NXPH1: variants seen among roughly 807,000 people sequenced by gnomAD.
NXPH1 encodes neurexophilin-1.
In NXPH1, 5 loss-of-function variants were observed where a neutral mutation model predicts 23.7. That is an observed-to-expected ratio of 0.21 (90% CI 0.11 to 0.44). The LOEUF is 0.44. Among genes scored for constraint, NXPH1 ranks in the 20% least tolerant of loss-of-function variants. The pLI is 0.99. For synonymous variants in NXPH1, 144 were observed against 122.2 expected (o/e 1.18, Z -1.18); for missense variants, 324 against 321.6 (o/e 1.01, Z -0.06).
In NXPH1 at chr7:8,722,250, G is replaced by C. The variant is rs145410513; in HGVS notation, c.55-28758G>C. ...ATTTATTTTTGCCTGGGATAGAATA[G>C]AAAATCTGACATTTTACTTTTACTT... On this transcript the variant is annotated intron_variant, in intron 2 of 2. Coordinates refer to ENST00000405863, the MANE Select transcript of NXPH1 (RefSeq NM_152745.3). 7.9e-4 allele frequency among the ~76,000 whole-genome samples: 121 copies of C among 152,240 alleles called. No individual in the cohort carries two copies. In the East Asian group the frequency reaches 0.021, roughly 27 times the overall value.
intron 2 of NXPH1, among the ~76,000 whole-genome samples, chr7:8,447,641 C>G (rs1196586398): frequency 6.6e-6 from 1 of 152,190 alleles, no homozygotes; most frequent in Non-Finnish European, 1.5e-5. Context: ...TGGATCTGCA[C>G]CTCTTGAATA....
chr7:8,710,639 CG>C (rs1779773888), intron 2 of NXPH1, among the ~76,000 whole-genome samples: 7 of 32,296 alleles, frequency 2.2e-4, no homozygotes, highest in Admixed American at 3.7e-4. Context: ...TCAACTGTTA[CG>C]TTTTTTGTTT....
rs148939405 is a variant in NXPH1 at position 8,593,169 on chromosome 7, G to C, written c.54+157402G>C. On this transcript the variant is annotated intron_variant, in intron 2 of 2. Transcript: ENST00000405863. ...GATTGCATGTTTCTCAGAGTAAGAA[G>C]CATTTTTTTTTTTTTTTCTATTTGT... Among the ~76,000 whole-genome samples, 17 of 130,902 alleles carry C rather than the reference G, an allele frequency of 1.3e-4. No homozygotes were observed. In the East Asian group the frequency reaches 3.5e-3, roughly 27 times the overall value. 85.9% of individuals were successfully genotyped at this position (130,902 alleles called of 152,430 possible). A position where few individuals can be genotyped will look rare whatever the true frequency, so the allele number is the denominator to read the frequency against.
intron 2 of NXPH1, among the ~76,000 whole-genome samples, chr7:8,701,525 AT>A (rs1400022927): frequency 6.6e-6 from 1 of 152,066 alleles, no homozygotes; most frequent in Admixed American, 6.6e-5. Context: ...CGGCTGTCTT[AT>A]CTTTATTCCC....
chr7:8,528,123 G>A (rs1817893701), intron 2 of NXPH1, among the ~76,000 whole-genome samples: 1 of 152,174 alleles, frequency 6.6e-6, no homozygotes, highest in Admixed American at 6.5e-5. Context: ...TGGGGAGAGA[G>A]GAGTGGGGAA....
At chr7:8,532,522 T>C (rs1327224819) in intron 2 of NXPH1, among the ~76,000 whole-genome samples, 2 of 151,956 alleles carry the variant, frequency 1.3e-5, no homozygotes, top group African/African-American at 4.8e-5. Flanking sequence ...ATATGAGTTT[T>C]TGAGCTTCCA....
intron 2 of NXPH1, among the ~76,000 whole-genome samples, chr7:8,438,923 G>C (rs906798838): frequency 1.3e-5 from 2 of 152,260 alleles, no homozygotes; most frequent in African/African-American, 4.8e-5. Flanking sequence ...TGCCCACAGA[G>C]TTACCTTCTG....
At chr7:8,551,242 TA>T (rs1818270919) in intron 2 of NXPH1, among the ~76,000 whole-genome samples, 1 of 151,592 alleles carries the variant, frequency 6.6e-6, no homozygotes, top group African/African-American at 2.4e-5. Flanking sequence ...TTTCCTCTTT[TA>T]CAAATGAATT....
chr7:8,455,389 A>G (rs937980851), intron 2 of NXPH1, among the ~76,000 whole-genome samples: 8 of 152,168 alleles, frequency 5.3e-5, no homozygotes, highest in Non-Finnish European at 7.4e-5. Flanking sequence ...GTCTTGGTGC[A>G]TAATCTCTGG....
At chr7:8,655,481 C>CACACAT (rs1362671125) in intron 2 of NXPH1, among the ~76,000 whole-genome samples, 83 of 122,546 alleles carry the variant, frequency 6.8e-4, no homozygotes, top group African/African-American at 2.3e-3. Context: ...CACACACACA[C>CACACAT]ATCAGATATG....
At chr7:8,634,930 A>G (rs1303374420) in intron 2 of NXPH1, among the ~76,000 whole-genome samples, 1 of 152,160 alleles carries the variant, frequency 6.6e-6, no homozygotes, top group East Asian at 1.9e-4. Context: ...TAATTTCTGT[A>G]TAACTTTCTG....
At chr7:8,616,407 C>CATAAAATGTGGGAT (rs1367787116) in intron 2 of NXPH1, among the ~76,000 whole-genome samples, 1 of 152,046 alleles carries the variant, frequency 6.6e-6, no homozygotes, top group Non-Finnish European at 1.5e-5. Flanking sequence ...ATCACCATCC[C>CATAAAATGTGGGAT]ACATTTTATA....
chr7:8,557,271 G>A (rs10232006), intron 2 of NXPH1, among the ~76,000 whole-genome samples: 11,002 of 147,128 alleles, frequency 0.075, 432 homozygotes, highest in Middle Eastern at 0.11. Context: ...AAATGCTTAA[G>A]TGTTAAAACA....
chr7:8,485,828 C>T (rs1817149386), intron 2 of NXPH1, among the ~76,000 whole-genome samples: 1 of 152,006 alleles, frequency 6.6e-6, no homozygotes, highest in Admixed American at 6.6e-5. Context: ...TTGATTAGGA[C>T]CCTCTGTGAA....
chr7:8,704,749 G>T lies in NXPH1; in HGVS notation c.55-46259G>T, dbSNP rs189088478. 2.0e-3 allele frequency among the ~76,000 whole-genome samples: 299 copies of T among 146,478 alleles called. 2 individuals carry two copies. In the Middle Eastern group the frequency reaches 0.021, roughly 10 times the overall value. On this transcript the variant is annotated intron_variant, in intron 2 of 2. Transcript: ENST00000405863. ...ACTTTTCTAAAATATCACTTAATCTGTAAAAAAAAAAAGATAAAATTGTAG... is the reference window on the plus strand; with the variant it reads ...ACTTTTCTAAAATATCACTTAATCTTTAAAAAAAAAAAGATAAAATTGTAG...
In NXPH1 at chr7:8,706,870, T is replaced by A. The variant is rs140671212; in HGVS notation, c.55-44138T>A. ...ACTGTATTAGACAGATTTGTTTTCA[T>A]TGTCTAAAAAATGTTTTTGAGATGC... On this transcript the variant is annotated intron_variant, in intron 2 of 2. Coordinates refer to ENST00000405863, the MANE Select transcript of NXPH1 (RefSeq NM_152745.3). 1.7e-4 allele frequency among the ~76,000 whole-genome samples: 26 copies of A among 152,254 alleles called. No individual in the cohort carries two copies. In the East Asian group the frequency reaches 3.9e-3, roughly 23 times the overall value.
At chr7:8,708,650 C>A (rs1400645098) in intron 2 of NXPH1, among the ~76,000 whole-genome samples, 52 of 152,104 alleles carry the variant, frequency 3.4e-4, no homozygotes. Context: ...GTGTGAGCCA[C>A]CATGCCTGCC....
Position 8,442,642 on chromosome 7 carries a change from C to T in NXPH1, c.54+6875C>T, listed in dbSNP as rs1247095797. On this transcript the variant is annotated intron_variant, in intron 2 of 2. Coordinates refer to ENST00000405863, the MANE Select transcript of NXPH1 (RefSeq NM_152745.3). This position sits in a 1 kb window ranked among gnomAD's most constrained non-coding sequence, Gnocchi z 4.6. ...ACCCTCCCTTCGGAAACTCAGTCCG[C>T]TGACCAAAGCCGCAGTGTTCAGGCC... Among the ~76,000 whole-genome samples, 1 of 152,254 alleles carries T rather than the reference C, an allele frequency of 6.6e-6. No individual in the cohort carries two copies. The highest frequency in any genetic ancestry group is 1.5e-5 in the Non-Finnish European group (1 of 68,040).
chr7:8,503,844 C>T (rs142683598), intron 2 of NXPH1, among the ~76,000 whole-genome samples: 2,131 of 152,054 alleles, frequency 0.014, 86 homozygotes, highest in Admixed American at 0.093. Context: ...GAATAGCTGC[C>T]CTGGTCACAT....
Sources: gnomAD v4.1 joint callset for allele counts (sites outside exome capture counted in the v4.1 genomes callset) on GRCh38, gnomAD v4.1.1 for gene constraint, Gnocchi (gnomAD v3.1) non-coding constraint, MANE v1.5 for transcripts, NCBI Gene and HGNC (gene_info 2026-07-23, HGNC 2026-07-21) for gene names.